Variants in IGSF11 observed in about 807,000 individuals in gnomAD.
IGSF11 encodes CXADR like 1.
Under a neutral mutation model 41.0 loss-of-function variants are expected in IGSF11, and 22 were observed. The observed-to-expected ratio is 0.54, with a 90% CI of 0.38 to 0.77. The LOEUF (loss-of-function observed/expected upper bound fraction) is 0.77. IGSF11 is among the 30% of genes least tolerant of loss of function. The probability of loss-of-function intolerance (pLI) is 0.00; values close to 1 mark genes in which losing one functional copy is unlikely to be tolerated. For missense variants in IGSF11, 444 were observed against 530.8 expected, an observed-to-expected ratio of 0.84 and a Z score of 1.61; for synonymous variants, 219 against 201.3, an observed-to-expected ratio of 1.09 and a Z score of -0.74.
intron 1 of IGSF11, among the ~76,000 whole-genome samples, chr3:118,997,060 A>G (rs1197705412): frequency 6.6e-6 from 1 of 151,898 alleles, no homozygotes; most frequent in African/African-American, 2.4e-5. Flanking sequence ...GGGATGTGCA[A>G]GGGGTGACCC....
intron 2 of IGSF11, 59 bp from the exon 3 acceptor site, chr3:118,928,775 A>T: frequency 7.9e-7 from 1 of 1,267,188 alleles, no homozygotes; most frequent in South Asian, 1.4e-5. Context: ...GACACAAAAC[A>T]ATAACTATTT....
upstream of IGSF11, among the ~76,000 whole-genome samples, chr3:119,105,619 A>C (rs560341247): frequency 6.5e-4 from 99 of 152,210 alleles, no homozygotes; most frequent in Non-Finnish European, 1.2e-3. Flanking sequence ...TTCTTTAGTA[A>C]TTTAAAACTT....
intron 1 of IGSF11, among the ~76,000 whole-genome samples, chr3:119,111,208 C>T (rs2077151966): frequency 6.6e-6 from 1 of 152,178 alleles, no homozygotes; most frequent in Non-Finnish European, 1.5e-5. Flanking sequence ...TTCCATTCTC[C>T]CCATCACTTT....
intron 1 of IGSF11, chr3:118,946,117 T>C (rs1944110113): frequency 2.0e-5 from 3 of 151,758 alleles, no homozygotes; most frequent in African/African-American, 7.3e-5. Flanking sequence ...ACCTTCTCCA[T>C]AGCAACCACA....
chr3:119,043,370 G>T (rs993396394), intron 1 of IGSF11, among the ~76,000 whole-genome samples: 1 of 152,122 alleles, frequency 6.6e-6, no homozygotes, highest in African/African-American at 2.4e-5. Flanking sequence ...GATTAGTCGG[G>T]TGTGAGCTAA....
At chr3:118,905,515 G>A in intron 5 of IGSF11, 81 bp downstream of exon 5, 2 of 1,449,610 alleles carry the variant, frequency 1.4e-6, no homozygotes, top group Non-Finnish European at 1.9e-6. Flanking sequence ...AGACAATTCA[G>A]CAGAACCCTT....
At chr3:118,916,937 C>T (rs906932938) in intron 4 of IGSF11, among the ~76,000 whole-genome samples, 8 of 152,058 alleles carry the variant, frequency 5.3e-5, no homozygotes, top group Non-Finnish European at 1.2e-4. Context: ...CAAACTAGAA[C>T]TCAGGATTAA....
At chr3:119,001,456 C>A (rs1041822955) in intron 1 of IGSF11, among the ~76,000 whole-genome samples, 2 of 136,064 alleles carry the variant, frequency 1.5e-5, no homozygotes, top group Non-Finnish European at 3.0e-5. Flanking sequence ...TTTTTTCTGG[C>A]CCCAGGTTTT....
At chr3:119,097,954 C>CT in intron 1 of IGSF11, among the ~76,000 whole-genome samples, 1 of 89,088 alleles carries the variant, frequency 1.1e-5, no homozygotes, top group Admixed American at 1.2e-4. Flanking sequence ...CCACATTCAG[C>CT]TAATTTTTTT....
At chr3:119,034,164 G>A (rs776894387) in intron 1 of IGSF11, among the ~76,000 whole-genome samples, 1 of 152,236 alleles carries the variant, frequency 6.6e-6, no homozygotes, top group Admixed American at 6.5e-5. Flanking sequence ...GGGCCGCCTA[G>A]TAAAGACAAC....
intron 1 of IGSF11, among the ~76,000 whole-genome samples, chr3:119,084,256 G>A (rs2076634299): frequency 6.6e-6 from 1 of 152,122 alleles, no homozygotes; most frequent in African/African-American, 2.4e-5. Context: ...CAGACACTGA[G>A]GCTGAAGGCA....
intron 1 of IGSF11, among the ~76,000 whole-genome samples, chr3:119,033,937 T>C (rs1399767683): frequency 6.6e-6 from 1 of 152,238 alleles, no homozygotes; most frequent in Non-Finnish European, 1.5e-5. Flanking sequence ...TGTTCTAATA[T>C]TGTTATATTC....
chr3:118,998,114 GCTT>G (rs1341597561), intron 1 of IGSF11, among the ~76,000 whole-genome samples: 2 of 152,006 alleles, frequency 1.3e-5, no homozygotes, highest in Non-Finnish European at 2.9e-5. Context: ...TTAAAACAGA[GCTT>G]CTGAGAACCT....
intron 1 of IGSF11, among the ~76,000 whole-genome samples, chr3:119,085,412 A>G (rs2076655185): frequency 6.6e-6 from 1 of 152,220 alleles, no homozygotes. Context: ...TTTACACCAC[A>G]GTTAAGAAAT....
chr3:119,072,489 A>G (rs2076415787), intron 1 of IGSF11, among the ~76,000 whole-genome samples: 1 of 152,204 alleles, frequency 6.6e-6, no homozygotes, highest in South Asian at 2.1e-4. Context: ...TGAGTGTTAC[A>G]GTTCTTAAAG....
chr3:119,081,049 T>C (rs985647498), intron 1 of IGSF11, among the ~76,000 whole-genome samples: 3 of 152,166 alleles, frequency 2.0e-5, no homozygotes, highest in South Asian at 4.1e-4. Context: ...GAATACTCAA[T>C]GTTTTTAAAT....
At chr3:119,029,004 C>T (rs859018) in intron 1 of IGSF11, among the ~76,000 whole-genome samples, 121,139 of 151,652 alleles carry the variant, frequency 0.8, 48,653 homozygotes, top group African/African-American at 0.89. Context: ...TCTTTACAAC[C>T]TCCCATGAAT....
intron 1 of IGSF11, among the ~76,000 whole-genome samples, chr3:119,053,625 C>G (rs1342418170): frequency 1.3e-5 from 2 of 152,100 alleles, no homozygotes; most frequent in Non-Finnish European, 2.9e-5. Flanking sequence ...CAATGCCCAT[C>G]AAAATACCAA....
chr3:118,949,693 A>C (rs1944431142), intron 1 of IGSF11, among the ~76,000 whole-genome samples: 2 of 152,340 alleles, frequency 1.3e-5, no homozygotes, highest in Middle Eastern at 6.8e-3. Flanking sequence ...TACACACAAA[A>C]TAAGGAACGG....
Sources: gnomAD v4.1 joint callset for allele counts (sites outside exome capture counted in the v4.1 genomes callset) on GRCh38, gnomAD v4.1.1 for gene constraint, MANE v1.5 for transcripts, NCBI Gene and HGNC (gene_info 2026-07-23, HGNC 2026-07-21) for gene names.